CPSF6: variants seen among roughly 807,000 people sequenced by gnomAD.
The protein encoded by CPSF6 is cleavage and polyadenylation specific factor 6, also known as cleavage and polyadenylation specificity factor subunit 6.
A neutral mutation model predicts 56.7 loss-of-function variants in CPSF6; 10 were observed. The ratio of observed to expected loss-of-function variants is 0.18; its 90% CI spans 0.11 to 0.30. The LOEUF is 0.30. Ranked by LOEUF, CPSF6 falls within the 10% of genes least tolerant of loss-of-function variation. The pLI, the probability that CPSF6 is intolerant of heterozygous loss-of-function variation, is 1.00. For synonymous variants in CPSF6, 248 were observed against 244.8 expected, an observed-to-expected ratio of 1.01 and a Z score of -0.12; for missense variants, 419 against 722.9, an observed-to-expected ratio of 0.58 and a Z score of 4.82.
At chr12:69,251,532 T>C (rs1872243841) in intron 2 of CPSF6, among the ~76,000 whole-genome samples, 194 bp downstream of exon 2, 1 of 152,184 alleles carries the variant, frequency 6.6e-6, no homozygotes. Context: ...TTTTGAGTTT[T>C]GTGGTCATTC....
intron 1 of CPSF6, among the ~76,000 whole-genome samples, chr12:69,240,412 C>T (rs956205044): frequency 2.0e-5 from 3 of 152,160 alleles, no homozygotes; most frequent in African/African-American, 4.8e-5. Context: ...AAAGTCGGTG[C>T]GCTGGTCCTG....
chr12:69,247,513 C>A lies in CPSF6; in HGVS notation c.61-3616C>A, dbSNP rs79765858. Among the ~76,000 whole-genome samples the A allele has an allele frequency of 3.2e-3, 489 of 150,506 alleles. 2 individuals carry two copies. Among genetic ancestry groups the A allele is most frequent in the African/African-American group, 0.011 (423 of 40,124 alleles). On this transcript the variant is annotated intron_variant, in intron 1 of 9. Transcript: ENST00000435070. ...ATTAGAGGAATGATGTTGATATTTT[C>A]TTGTTTTTTGAATGCCATTAAAATT...
At chr12:69,259,391 TTGAGTA>T in intron 6 of CPSF6, 31 bp from the exon 7 acceptor site, 1 of 1,594,774 alleles carries the variant, frequency 6.3e-7, no homozygotes, top group Non-Finnish European at 8.5e-7. Flanking sequence ...AGGAAATCTG[TTGAGTA>T]TGAGTTAAGG....
chr12:69,250,517 G>T (rs1277437680), intron 1 of CPSF6, among the ~76,000 whole-genome samples: 2 of 149,412 alleles, frequency 1.3e-5, no homozygotes, highest in Non-Finnish European at 3.0e-5. Context: ...TATTTGGGAG[G>T]CCGAGGCAGG....
chr12:69,262,200 G>A (rs1592808564), intron 8 of CPSF6, 173 bp from the exon 9 acceptor site: 3 of 319,398 alleles, frequency 9.4e-6, no homozygotes, highest in Non-Finnish European at 4.5e-6. Context: ...TGAAATTTCT[G>A]GTTCATGCTT....
intron 6 of CPSF6, 52 bp from the exon 7 acceptor site, chr12:69,259,376 A>G (rs1872650602): frequency 1.3e-6 from 2 of 1,582,994 alleles, no homozygotes; most frequent in African/African-American, 1.3e-5. Context: ...TGTTGTGACT[A>G]ACTGAGGAAA....
chr12:69,259,357 G>A (rs1872649197), intron 6 of CPSF6, 71 bp from the exon 7 acceptor site: 1 of 1,547,536 alleles, frequency 6.5e-7, no homozygotes, highest in African/African-American at 1.4e-5. Flanking sequence ...AGTATGAATT[G>A]CTATACACTG....
chr12:69,262,774 A>G (rs1390338216), intron 9 of CPSF6, among the ~76,000 whole-genome samples: 1 of 152,250 alleles, frequency 6.6e-6, no homozygotes, highest in African/African-American at 2.4e-5. Flanking sequence ...TTGCTGAGTT[A>G]TCACTTTCAG....
Position 69,262,400 on chromosome 12 carries a change from T to C in CPSF6, c.1497T>C (p.His499=), listed in dbSNP as rs1460293500. 6.2e-7 allele frequency: 1 copy of C among 1,610,854 alleles called. No homozygotes were observed. The highest frequency in any genetic ancestry group is 1.1e-5 in the South Asian group (1 of 90,726). The change falls in exon 9 of 10, where the codon CAT becomes CAC. Residue 499 remains histidine (H), a synonymous_variant. Coordinates refer to ENST00000435070, the MANE Select transcript of CPSF6 (RefSeq NM_007007.3). The stretch of plus-strand genomic sequence containing the variant: ...GTGAACGATCAAGAGAGAGGGACCA[T>C]AGTAGATCACGAGAAAAGAGTCGAC... ...SRRERSRERD[H]SRSREKSRRH... is the part of the protein sequence containing the mutation.
intron 1 of CPSF6, among the ~76,000 whole-genome samples, chr12:69,248,110 G>T (rs1472033271): frequency 1.3e-5 from 2 of 152,188 alleles, no homozygotes; most frequent in African/African-American, 4.8e-5. Context: ...GTCAACATAG[G>T]AATTCATGGA....
At chr12:69,254,736 AAT>A (rs1872425800) in intron 3 of CPSF6, among the ~76,000 whole-genome samples, 1 of 152,190 alleles carries the variant, frequency 6.6e-6, no homozygotes, top group African/African-American at 2.4e-5. Context: ...TGTTGACTAA[AAT>A]AAGAAGGATA....
In CPSF6 at chr12:69,251,146, G is replaced by T. The variant is rs1011109664; in HGVS notation, c.78G>T (p.Gly26=). The T allele has an allele frequency of 1.9e-6, 3 of 1,609,800 alleles. No homozygotes were observed. In the African/African-American group the frequency reaches 4.0e-5, roughly 22 times the overall value. The change falls in exon 2 of 10, where the codon GGG becomes GGT. Residue 26 remains glycine, a synonymous_variant. Transcript: ENST00000435070. The stretch of plus-strand genomic sequence containing the variant: ...TATCTCAGGAAGCTGAATATGGTGG[G>T]CATGATCAGATAGATTTGTATGACG... ...EEFNQEAEYG[G]HDQIDLYDDV...
chr12:69,242,250 A>AT (rs1462768081), intron 1 of CPSF6, among the ~76,000 whole-genome samples: 1 of 151,890 alleles, frequency 6.6e-6, no homozygotes, highest in South Asian at 2.1e-4. Context: ...TTCTCATTGG[A>AT]TTTGTATACT....
Position 69,260,106 on chromosome 12 carries a change from G to A in CPSF6, c.1378G>A (p.Val460Ile), listed in dbSNP as rs1195687664. 6.2e-7 allele frequency: 1 copy of A among 1,613,424 alleles called. No homozygotes were observed. Among genetic ancestry groups the A allele is most frequent in the East Asian group, 2.2e-5 (1 of 44,818 alleles). ...AATTTCTTTAATTAAACAATCCAAA[G>A]TATCTGCTGATGATCGTTGCAAAGT... ...TAISLIKQSK[V>I]SADDRCKVLI... Residue 460 changes from valine (V) to isoleucine (I), a missense_variant, in exon 8 of 10, where the codon GTA becomes ATA. By Grantham distance (29) the Val-to-Ile change is conservative. Coordinates refer to ENST00000435070, the MANE Select transcript of CPSF6 (RefSeq NM_007007.3).
chr12:69,266,935 A>C (rs1161049351), intron 9 of CPSF6, among the ~76,000 whole-genome samples: 3 of 152,134 alleles, frequency 2.0e-5, no homozygotes, highest in Admixed American at 2.0e-4. Flanking sequence ...GTAAATATCT[A>C]CAATAACTAG....
At chr12:69,253,773 T>C (rs1362875235) in intron 3 of CPSF6, among the ~76,000 whole-genome samples, 2 of 152,206 alleles carry the variant, frequency 1.3e-5, no homozygotes, top group Non-Finnish European at 2.9e-5. Context: ...CTCTAATGTC[T>C]AATTCTTTTG....
intron 1 of CPSF6, among the ~76,000 whole-genome samples, chr12:69,241,513 T>C (rs569186355): frequency 1.3e-5 from 2 of 152,344 alleles, no homozygotes; most frequent in South Asian, 4.1e-4. Flanking sequence ...GAATTGGGTC[T>C]CAATTTTAGA....
At position 69,249,304 on chromosome 12, in the gene CPSF6, A is replaced by G. The variant is rs188349917; in HGVS notation, c.61-1825A>G. Among the ~76,000 whole-genome samples, 996 of 152,052 alleles carry G rather than the reference A, an allele frequency of 6.6e-3. 6 individuals carry two copies. The highest frequency in any genetic ancestry group is 9.5e-3 in the Non-Finnish European group (645 of 67,966). On this transcript the variant is annotated intron_variant, in intron 1 of 9. Coordinates refer to ENST00000435070, the MANE Select transcript of CPSF6 (RefSeq NM_007007.3). ...AAATAAATAAAAATTAAAATTAAAA[A>G]AATACAAAATAAATAAAAGATCTTA...
chr12:69,270,419 A>G lies in CPSF6; in HGVS notation c.*911A>G, dbSNP rs1873189974. 6.6e-6 allele frequency: 1 copy of G among 152,108 alleles called. No homozygotes were observed. Among genetic ancestry groups the G allele is most frequent in the Non-Finnish European group, 1.5e-5 (1 of 67,712 alleles). 9.4% of individuals were successfully genotyped at this position (152,108 alleles called of 1,614,324 possible). On this transcript the variant is annotated 3_prime_UTR_variant, in exon 10 of 10. Transcript: ENST00000435070. ...ATTGTGAACCGCTAACATTGAAGAA[A>G]TTTTGACAATTCCGATTTGATGCTG...
Sources: allele counts gnomAD v4.1 joint callset (sites outside exome capture counted in the v4.1 genomes callset), GRCh38; gene constraint gnomAD v4.1.1; transcripts MANE v1.5; gene names NCBI Gene and HGNC (gene_info 2026-07-23, HGNC 2026-07-21).